The following NRG3 variants were observed in gnomAD, a reference collection of about 807,000 sequenced individuals.
NRG3 encodes neuregulin 3.
NRG3 carries 31 observed loss-of-function variants against 66.9 expected under a neutral mutation model. The ratio of observed to expected loss-of-function variants is 0.46; its 90% CI spans 0.35 to 0.63. NRG3 has a LOEUF of 0.63. Ranked by LOEUF, NRG3 falls within the 20% of genes least tolerant of loss-of-function variation. NRG3 has a pLI of 0.00. For synonymous variants in NRG3, 393 were observed against 359.4 expected (o/e 1.09, Z -1.06); for missense variants, 910 against 878.9 (o/e 1.04, Z -0.45).
chr10:82,554,185 G>C (rs958877864), intron 2 of NRG3, among the ~76,000 whole-genome samples: 3 of 152,090 alleles, frequency 2.0e-5, no homozygotes, highest in Non-Finnish European at 4.4e-5. Context: ...GTTTTAAGTG[G>C]AATTGCCTTG....
At chr10:82,191,445 TGTTCAGCCATGGCTTTCAGA>T (rs2074136263) in intron 1 of NRG3, among the ~76,000 whole-genome samples, 1 of 152,160 alleles carries the variant, frequency 6.6e-6, no homozygotes, top group Admixed American at 6.5e-5. Flanking sequence ...CCTTTCCCAC[TGTTCAGCCATGGCTTTCAGA>T]GTTCATCATT....
intron 2 of NRG3, among the ~76,000 whole-genome samples, chr10:82,395,422 A>G (rs2086651331): frequency 6.6e-6 from 1 of 152,196 alleles, no homozygotes; most frequent in African/African-American, 2.4e-5. Context: ...CACCTGATTG[A>G]AATTCAGGGA....
At chr10:82,819,619 A>G (rs2061860621) in intron 3 of NRG3, among the ~76,000 whole-genome samples, 1 of 152,240 alleles carries the variant, frequency 6.6e-6, no homozygotes, top group South Asian at 2.1e-4. Context: ...TGAGTATCTG[A>G]TGAGGTGACA....
intron 4 of NRG3, among the ~76,000 whole-genome samples, chr10:82,916,585 T>A (rs1845848463): frequency 1.3e-5 from 2 of 152,146 alleles, no homozygotes; most frequent in Non-Finnish European, 2.9e-5. Context: ...AGTAAATAGA[T>A]GCATATTAAG....
At chr10:82,196,061 A>C (rs970067184) in intron 1 of NRG3, among the ~76,000 whole-genome samples, 2 of 152,234 alleles carry the variant, frequency 1.3e-5, no homozygotes, top group African/African-American at 4.8e-5. Flanking sequence ...CATTTGTTGC[A>C]GCAGCAATAG....
chr10:82,905,499 C>T (rs1232628731), intron 4 of NRG3, among the ~76,000 whole-genome samples: 5 of 152,106 alleles, frequency 3.3e-5, no homozygotes. Flanking sequence ...CATGTTTTCA[C>T]TGTTTTGTTG....
chr10:82,927,663 G>C lies in NRG3; in HGVS notation c.1055-23806G>C, dbSNP rs141980514. On this transcript the variant is annotated intron_variant, in intron 4 of 8. Coordinates refer to ENST00000372141, the MANE Select transcript of NRG3 (RefSeq NM_001010848.4). ...CCAGCTTCATCCATGTCCCTGCAAA[G>C]GACATGAACTCATCCTTTCATATGG... Among the ~76,000 whole-genome samples the C allele has an allele frequency of 7.8e-4, 119 of 152,292 alleles. No homozygotes were observed. The East Asian group carries it at 0.023, about 29-fold the overall frequency.
intron 2 of NRG3, among the ~76,000 whole-genome samples, chr10:82,469,567 C>A (rs549038123): frequency 1.4e-3 from 215 of 152,234 alleles, no homozygotes; most frequent in Non-Finnish European, 2.4e-3. Flanking sequence ...AGGGAGTGAT[C>A]ATGGCTAGGC....
intron 4 of NRG3, among the ~76,000 whole-genome samples, chr10:82,901,846 G>A (rs1175521388): frequency 6.6e-6 from 1 of 152,176 alleles, no homozygotes. Flanking sequence ...GAAGACTTCA[G>A]ATTTCACAGT....
At chr10:82,521,557 G>C (rs1024926159) in intron 2 of NRG3, among the ~76,000 whole-genome samples, 2 of 152,076 alleles carry the variant, frequency 1.3e-5, no homozygotes, top group Non-Finnish European at 1.5e-5. Flanking sequence ...AGCCAGGATG[G>C]TCTCAATCTC....
chr10:82,104,161 G>A (rs1297897636), intron 1 of NRG3, among the ~76,000 whole-genome samples: 4 of 151,850 alleles, frequency 2.6e-5, no homozygotes, highest in South Asian at 4.1e-4. Flanking sequence ...TTTTCTTTTT[G>A]TATTTCTGTT....
chr10:82,144,286 C>G (rs2070072182), intron 1 of NRG3, among the ~76,000 whole-genome samples: 2 of 152,126 alleles, frequency 1.3e-5, no homozygotes. Flanking sequence ...ATGTTTCTCC[C>G]TGGGACCACA....
rs758621048 is a variant in NRG3 at position 82,281,818 on chromosome 10, T to TTTTG, written c.824-76905_824-76902dup. On this transcript the variant is annotated intron_variant, in intron 1 of 8. Coordinates refer to ENST00000372141, the MANE Select transcript of NRG3 (RefSeq NM_001010848.4). ...TGTATTTCCCTTGCCCCATGTCAGGTTTTGTTTGTTTGTTTGTTTTTGTCT... is the reference window on the plus strand; with the variant it reads ...TGTATTTCCCTTGCCCCATGTCAGGTTTTGTTTGTTTGTTTGTTTGTTTTTGTCT... Among the ~76,000 whole-genome samples the TTTTG allele has an allele frequency of 2.6e-4, 39 of 152,074 alleles. 1 individual carries two copies. The highest frequency in any genetic ancestry group is 1.7e-3 in the Admixed American group (26 of 15,256).
chr10:82,353,759 C>G (rs1406033740), intron 1 of NRG3, among the ~76,000 whole-genome samples: 1 of 152,060 alleles, frequency 6.6e-6, no homozygotes, highest in African/African-American at 2.4e-5. Context: ...CTTGGAAAAC[C>G]CTTTCTTAGC....
intron 1 of NRG3, among the ~76,000 whole-genome samples, chr10:82,064,589 A>G (rs184199941): frequency 6.6e-6 from 1 of 152,294 alleles, no homozygotes; most frequent in Non-Finnish European, 1.5e-5. Context: ...GGATAAATGT[A>G]AAGCTATAGA....
chr10:82,495,288 C>CAT (rs1843516461), intron 2 of NRG3, among the ~76,000 whole-genome samples: 1 of 152,144 alleles, frequency 6.6e-6, no homozygotes, highest in East Asian at 1.9e-4. Context: ...CCAAGGCTAT[C>CAT]CCTCTTATGG....
intron 1 of NRG3, among the ~76,000 whole-genome samples, chr10:82,129,838 G>C (rs1392336782): frequency 6.6e-6 from 1 of 152,102 alleles, no homozygotes; most frequent in Non-Finnish European, 1.5e-5. Context: ...TGGGATTACA[G>C]GTGTGAGAAC....
At chr10:82,184,462 G>A (rs962046715) in intron 1 of NRG3, among the ~76,000 whole-genome samples, 1 of 152,120 alleles carries the variant, frequency 6.6e-6, no homozygotes, top group African/African-American at 2.4e-5. Context: ...TATCTGCCCT[G>A]ATAGAGAAAT....
At chr10:81,963,809 A>G (rs2059621364) in intron 1 of NRG3, among the ~76,000 whole-genome samples, 1 of 152,208 alleles carries the variant, frequency 6.6e-6, no homozygotes, top group South Asian at 2.1e-4. Context: ...TGCTGAAGGA[A>G]GGAATGTTTT....
Sources: allele counts gnomAD v4.1 joint callset (sites outside exome capture counted in the v4.1 genomes callset), GRCh38; gene constraint gnomAD v4.1.1; transcripts MANE v1.5; gene names NCBI Gene and HGNC (gene_info 2026-07-23, HGNC 2026-07-21).